Variants in SCYL3 observed in about 807,000 individuals in gnomAD.
The protein encoded by SCYL3 is protein-associating with the carboxyl-terminal domain of ezrin.
Under a neutral mutation model 73.8 loss-of-function variants are expected in SCYL3, and 35 were observed. That is an observed-to-expected ratio of 0.47 (90% CI 0.36 to 0.63). The LOEUF is 0.63. Among genes scored for constraint, SCYL3 ranks in the 20% least tolerant of loss-of-function variants. SCYL3 has a pLI of 0.00. For synonymous variants in SCYL3, 277 were observed against 295.2 expected (o/e 0.94, Z 0.63); for missense variants, 712 against 798.9 (o/e 0.89, Z 1.31).
chr1:169,849,865 C>T lies in SCYL3; in HGVS notation c.*3848G>A, dbSNP rs776143076. The T allele has an allele frequency of 2.0e-6, 1 of 496,200 alleles. No individual in the cohort carries two copies. The highest frequency in any genetic ancestry group is 3.6e-6 in the Non-Finnish European group (1 of 277,588). 30.7% of individuals were successfully genotyped at this position (496,200 alleles called of 1,614,324 possible). A position where few individuals can be genotyped will look rare whatever the true frequency, so the allele number is the denominator to read the frequency against. ...GCCTACTGATACAGACAGACACAGA[C>T]ACAGTCTTCCAGCAGATAGTATTTT... On this transcript the variant is annotated 3_prime_UTR_variant, in exon 13 of 13. Transcript: ENST00000367771.
At position 169,850,073 on chromosome 1, in the gene SCYL3, C is replaced by T. The variant is rs1657913485; in HGVS notation, c.*3640G>A. The T allele has an allele frequency of 5.2e-6, 3 of 577,104 alleles. No individual in the cohort carries two copies. Among genetic ancestry groups the T allele is most frequent in the Non-Finnish European group, 6.2e-6 (2 of 324,572 alleles). 35.7% of individuals were successfully genotyped at this position (577,104 alleles called of 1,614,324 possible). On this transcript the variant is annotated 3_prime_UTR_variant, in exon 13 of 13. Coordinates refer to ENST00000367771, the MANE Select transcript of SCYL3 (RefSeq NM_020423.7). ...CAGCAGAAGTAATTAAAGCTTACAA[C>T]ACTTGTACAGAAGTTAATTTTGTAT... is the stretch of plus-strand genomic sequence containing the variant.
intron 8 of SCYL3, 44 bp downstream of exon 8, chr1:169,866,850 CTT>C: frequency 9.4e-7 from 1 of 1,065,078 alleles, no homozygotes. Context: ...ATTATATGGA[CTT>C]AATCCAAGTT....
chr1:169,849,863 GAC>G lies in SCYL3; in HGVS notation c.*3848_*3849del. ...AGGCCTACTGATACAGACAGACACA[GAC>G]ACAGTCTTCCAGCAGATAGTATTTT... is the stretch of plus-strand genomic sequence containing the variant. On this transcript the variant is annotated 3_prime_UTR_variant, in exon 13 of 13. Coordinates refer to ENST00000367771, the MANE Select transcript of SCYL3 (RefSeq NM_020423.7). 4.0e-6 allele frequency: 2 copies of G among 499,998 alleles called. No individual in the cohort carries two copies. The highest frequency in any genetic ancestry group is 7.1e-6 in the Non-Finnish European group (2 of 279,940). 31.0% of individuals were successfully genotyped at this position (499,998 alleles called of 1,614,324 possible).
chr1:169,852,041 T>C lies in SCYL3; in HGVS notation c.*1672A>G, dbSNP rs772318848. The stretch of plus-strand genomic sequence containing the variant: ...GTGGTTTCCAGCCTTATGCTGAATT[T>C]CAAATCAAATAGATCTAGACATGTA... On this transcript the variant is annotated 3_prime_UTR_variant, in exon 13 of 13. Transcript: ENST00000367771. 4.1e-5 allele frequency: 61 copies of C among 1,488,014 alleles called. No individual in the cohort carries two copies. The highest frequency in any genetic ancestry group is 5.5e-5 in the Non-Finnish European group (59 of 1,076,766). The allele number at this position is 1,488,014 out of a possible 1,614,324, so 92.2% of individuals were successfully genotyped here. A position where few individuals can be genotyped will look rare whatever the true frequency, so the allele number is the denominator to read the frequency against.
rs1038186622 is a variant in SCYL3 at position 169,859,074 on chromosome 1, T to C, written c.1279A>G (p.Ser427Gly). Residue 427 changes from serine to glycine, a missense_variant, in exon 11 of 13, where the codon AGT (serine) becomes GGT (glycine). Physicochemically the swap from Ser to Gly is moderately conservative, Grantham distance 56. Transcript: ENST00000367771. ...RTKIFKRTAPSFTKNTDLSLE... is the reference protein window; with the variant it reads ...RTKIFKRTAPGFTKNTDLSLE... The stretch of plus-strand genomic sequence containing the variant: ...GAAAGGTCAGTATTTTTAGTAAAAC[T>C]TGGGGCAGTGCGTTTGAAGATCTTG... 26 of 1,613,880 alleles carry C rather than the reference T, an allele frequency of 1.6e-5. No individual in the cohort carries two copies. Among genetic ancestry groups the C allele is most frequent in the Non-Finnish European group, 1.9e-5 (23 of 1,179,972 alleles).
chr1:169,864,298 A>G lies in SCYL3; in HGVS notation c.955+71T>C, dbSNP rs1659872118. 6.9e-6 allele frequency: 11 copies of G among 1,585,376 alleles called. No individual in the cohort carries two copies. The South Asian group carries it at 1.2e-4, about 18-fold the overall frequency. Reference sequence around the variant, plus strand: ...ATTAACTACACCACACAGTAATCTCATCCTGCTCAAATATGGACTAATAAT... The same window carrying G: ...ATTAACTACACCACACAGTAATCTCGTCCTGCTCAAATATGGACTAATAAT... On this transcript the variant is annotated intron_variant, in intron 9 of 12. Transcript: ENST00000367771.
At chr1:169,858,571 AGT>A (rs1291978342) in intron 11 of SCYL3, among the ~76,000 whole-genome samples, 2 of 151,504 alleles carry the variant, frequency 1.3e-5, no homozygotes, top group Non-Finnish European at 3.0e-5. Flanking sequence ...ATCATTACCA[AGT>A]ATTATGTACT....
At chr1:169,878,598 T>A (rs2102191272) in intron 3 of SCYL3, 36 bp downstream of exon 3, 1 of 1,527,414 alleles carries the variant, frequency 6.5e-7, no homozygotes, top group East Asian at 2.3e-5. Flanking sequence ...CCCATCTACA[T>A]CAAAGTCTGT....
At chr1:169,855,633 T>A (rs1441748252) in intron 11 of SCYL3, among the ~76,000 whole-genome samples, 2 of 151,944 alleles carry the variant, frequency 1.3e-5, no homozygotes, top group African/African-American at 2.4e-5. Flanking sequence ...AAAGAGGAGG[T>A]AAGTATATAT....
At position 169,893,021 on chromosome 1, in the gene SCYL3, G is replaced by T. The variant is rs186917013; in HGVS notation, c.-51+767C>A. Reference sequence around the variant, plus strand: ...CGTGTTTCAGGTATATATTCCCTCTGCGGAACTCAGTCCAGCATTGCTAGC... The same window carrying T: ...CGTGTTTCAGGTATATATTCCCTCTTCGGAACTCAGTCCAGCATTGCTAGC... On this transcript the variant is annotated intron_variant, in intron 1 of 12. Coordinates refer to ENST00000367771, the MANE Select transcript of SCYL3 (RefSeq NM_020423.7). Among the ~76,000 whole-genome samples, 1,015 of 152,196 alleles carry T rather than the reference G, an allele frequency of 6.7e-3. 12 individuals are homozygous for T. Among genetic ancestry groups the T allele is most frequent in the African/African-American group, 0.023 (956 of 41,502 alleles).
intron 2 of SCYL3, among the ~76,000 whole-genome samples, chr1:169,880,911 A>G (rs1224829495): frequency 2.6e-5 from 4 of 151,954 alleles, no homozygotes; most frequent in Non-Finnish European, 4.4e-5. Context: ...ACAGGCTTGC[A>G]CCACCATGCC....
intron 8 of SCYL3, among the ~76,000 whole-genome samples, chr1:169,865,528 C>T (rs942119469): frequency 1.3e-5 from 2 of 152,222 alleles, no homozygotes; most frequent in African/African-American, 4.8e-5. Flanking sequence ...TTGATTGCAG[C>T]TTCAACTGCT....
chr1:169,887,552 A>G (rs2102213936), intron 2 of SCYL3, among the ~76,000 whole-genome samples: 1 of 152,370 alleles, frequency 6.6e-6, no homozygotes, highest in Non-Finnish European at 1.5e-5. Context: ...AGAACAAGAA[A>G]GCGAAGTAAG....
At chr1:169,875,251 G>A (rs1272080096) in intron 4 of SCYL3, among the ~76,000 whole-genome samples, 1 of 152,154 alleles carries the variant, frequency 6.6e-6, no homozygotes, top group African/African-American at 2.4e-5. Flanking sequence ...AGTCAACAGT[G>A]AGCCACCATT....
rs575641240 is a variant in SCYL3 at position 169,892,887 on chromosome 1, C to T, written c.-51+901G>A. ...TCGAGACTACCTTGGTCCTAGCTCCCTTAGCTTGAAAGTTCCAAAGATAAT... is the reference window on the plus strand; with the variant it reads ...TCGAGACTACCTTGGTCCTAGCTCCTTTAGCTTGAAAGTTCCAAAGATAAT... On this transcript the variant is annotated intron_variant, in intron 1 of 12. Transcript: ENST00000367771. Among the ~76,000 whole-genome samples, 148 of 152,304 alleles carry T rather than the reference C, an allele frequency of 9.7e-4. 2 individuals carry two copies. The South Asian group carries it at 0.028, about 29-fold the overall frequency.
chr1:169,857,004 AT>A (rs1162490842), intron 11 of SCYL3, among the ~76,000 whole-genome samples: 2 of 152,244 alleles, frequency 1.3e-5, no homozygotes, highest in African/African-American at 4.8e-5. Context: ...TAACAAGTTC[AT>A]TGTCTTACTG....
rs940254201 is a variant in SCYL3, at chr1:169,869,833, T to C, written c.625+422A>G. 1.3e-4 allele frequency among the ~76,000 whole-genome samples: 20 copies of C among 152,236 alleles called. 2 individuals are homozygous for C. Among genetic ancestry groups the C allele is most frequent in the Non-Finnish European group, 8.8e-5 (6 of 68,016 alleles). On this transcript the variant is annotated intron_variant, in intron 6 of 12. Transcript: ENST00000367771. ...TAATAGGAAAATAAATCAAATGAGC[T>C]TTGAAAGAATAAAGAAATGTTGAGC... is the stretch of plus-strand genomic sequence containing the variant.
intron 2 of SCYL3, among the ~76,000 whole-genome samples, chr1:169,879,619 TTA>T (rs1422067144): frequency 6.6e-6 from 1 of 152,034 alleles, no homozygotes; most frequent in African/African-American, 2.4e-5. Context: ...GAGCAAAGAG[TTA>T]TGTGACATCG....
Position 169,853,525 on chromosome 1 carries a change from A to AC in SCYL3, c.*187dup, listed in dbSNP as rs1658698889. The AC allele has an allele frequency of 1.6e-6, 1 of 610,852 alleles. No homozygotes were observed. The highest frequency in any genetic ancestry group is 2.8e-6 in the Non-Finnish European group (1 of 352,610). The allele number at this position is 610,852 out of a possible 1,614,324, so 37.8% of individuals were successfully genotyped here. The stretch of plus-strand genomic sequence containing the variant: ...GGAAACCAGTACTGTGAGCCTCACC[A>AC]CCCAGGGCTTTTAGCCAGCACTCAC... On this transcript the variant is annotated 3_prime_UTR_variant, in exon 13 of 13. Transcript: ENST00000367771.
Sources: allele counts gnomAD v4.1 joint callset (sites outside exome capture counted in the v4.1 genomes callset), GRCh38; gene constraint gnomAD v4.1.1; transcripts MANE v1.5; gene names NCBI Gene and HGNC (gene_info 2026-07-23, HGNC 2026-07-21).